The following RMND1 variants were observed in gnomAD, a reference collection of about 807,000 sequenced individuals.
The protein encoded by RMND1 is required for meiotic nuclear division protein 1 homolog.
A neutral mutation model predicts 54.0 loss-of-function variants in RMND1; 41 were observed. The observed-to-expected ratio is 0.76, with a 90% confidence interval of 0.59 to 0.98. The LOEUF (loss-of-function observed/expected upper bound fraction) is 0.98. Among genes scored for constraint, RMND1 ranks in the 50% least tolerant of loss-of-function variants. The pLI is 0.00. For missense variants in RMND1, 457 were observed against 532.0 expected (o/e 0.86, Z 1.39); for synonymous variants, 183 against 181.7 (o/e 1.01, Z -0.06).
chr6:151,413,452 C>G (rs747112578), intron 10 of RMND1, among the ~76,000 whole-genome samples: 2 of 152,134 alleles, frequency 1.3e-5, no homozygotes. Flanking sequence ...GTTGGCCAGG[C>G]TGGTCTTGAA....
chr6:151,427,475 T>G lies in RMND1; in HGVS notation c.830+7A>C, dbSNP rs1454837185. 1 of 1,540,570 alleles carries G rather than the reference T, an allele frequency of 6.5e-7. No homozygotes were observed. Among genetic ancestry groups the G allele is most frequent in the Admixed American group, 1.7e-5 (1 of 59,694 alleles). On this transcript the variant is annotated splice_region_variant and intron_variant, in intron 6 of 11. Transcript: ENST00000444024. ...CCCTTTCATAAATTTGATGAAAAGT[T>G]GCTTACTCTATTTTTATGTAGTTAA...
intron 9 of RMND1, among the ~76,000 whole-genome samples, chr6:151,419,690 A>G (rs62444262): frequency 1.4e-5 from 2 of 145,624 alleles, no homozygotes; most frequent in African/African-American, 5.1e-5. Flanking sequence ...AAAAAAAAAA[A>G]GTAACACATA....
At chr6:151,417,817 T>A (rs6930770) in intron 9 of RMND1, among the ~76,000 whole-genome samples, 15,329 of 120,218 alleles carry the variant, frequency 0.13, 2,312 homozygotes, top group African/African-American at 0.42. Flanking sequence ...TTCAATTTTT[T>A]TTTTTTTTTT....
At position 151,445,787 on chromosome 6, in the gene RMND1, C is replaced by G. The variant is rs767218207; in HGVS notation, c.25G>C (p.Val9Leu). 1 of 1,611,462 alleles carries G rather than the reference C, an allele frequency of 6.2e-7. No homozygotes were observed. The highest frequency in any genetic ancestry group is 8.5e-7 in the Non-Finnish European group (1 of 1,179,268). Reference protein sequence around the residue: MPATLLRAVARSHHILSKA... With the variant: MPATLLRALARSHHILSKA... ...GATAATATATGATGAGATCTGGCCACGGCTCTGAGGAGTGTGGCTGGCATT... is the reference window on the plus strand; with the variant it reads ...GATAATATATGATGAGATCTGGCCAGGGCTCTGAGGAGTGTGGCTGGCATT... The change falls in exon 2 of 12, where the codon GTG becomes CTG. Residue 9 changes from valine to leucine, a missense_variant. Transcript: ENST00000444024.
chr6:151,438,216 G>T (rs769748702), intron 2 of RMND1, among the ~76,000 whole-genome samples: 2 of 152,198 alleles, frequency 1.3e-5, no homozygotes, highest in African/African-American at 4.8e-5. Context: ...TAAAGATTCG[G>T]CCAGCTGAAA....
intron 10 of RMND1, chr6:151,409,036 A>C (rs1217156241): frequency 6.6e-6 from 1 of 152,220 alleles, no homozygotes; most frequent in Non-Finnish European, 1.5e-5. Context: ...TTTAACATTT[A>C]CTGTACTACG....
Position 151,445,914 on chromosome 6 carries a change from T to C in RMND1, c.-14-89A>G, listed in dbSNP as rs549621680. On this transcript the variant is annotated intron_variant, in intron 1 of 11. Coordinates refer to ENST00000444024, the MANE Select transcript of RMND1 (RefSeq NM_017909.4). ...CCCTAGGTAGCAGGCATATTTCTGT[T>C]AGAAAAATTTGTAAAACAGATACAT... is the stretch of plus-strand genomic sequence containing the variant. 13 of 1,234,686 alleles carry C rather than the reference T, an allele frequency of 1.1e-5. No homozygotes were observed. The African/African-American group carries it at 1.8e-4, about 17-fold the overall frequency. The allele number at this position is 1,234,686 out of a possible 1,614,324, so 76.5% of individuals were successfully genotyped here. A position where few individuals can be genotyped will look rare whatever the true frequency, so the allele number is the denominator to read the frequency against.
chr6:151,408,277 T>C (rs1779697439), intron 10 of RMND1, among the ~76,000 whole-genome samples: 1 of 152,070 alleles, frequency 6.6e-6, no homozygotes, highest in African/African-American at 2.4e-5. Flanking sequence ...GGCGGATCAC[T>C]TGAGGTCAGT....
chr6:151,447,810 CTTTT>C (rs869136474), intron 1 of RMND1, among the ~76,000 whole-genome samples: 212 of 110,334 alleles, frequency 1.9e-3, no homozygotes, highest in Non-Finnish European at 2.8e-3. Flanking sequence ...TGAGTAAATT[CTTTT>C]TTTTTTTTTT....
chr6:151,444,608 A>G (rs1780896642), intron 2 of RMND1: 1 of 143,862 alleles, frequency 7.0e-6, no homozygotes, highest in South Asian at 2.3e-4. Context: ...TCAAGTTTAA[A>G]ATATCTTTAA....
At chr6:151,415,973 G>A (rs938478591) in intron 10 of RMND1, among the ~76,000 whole-genome samples, 1 of 149,630 alleles carries the variant, frequency 6.7e-6, no homozygotes, top group Non-Finnish European at 1.5e-5. Context: ...AAACAGTTTT[G>A]TGTCTTTTTG....
chr6:151,425,862 T>C (rs1780281129), intron 6 of RMND1, among the ~76,000 whole-genome samples: 1 of 152,140 alleles, frequency 6.6e-6, no homozygotes, highest in Non-Finnish European at 1.5e-5. Context: ...TGAGCGCTGA[T>C]TACTCAGCTC....
chr6:151,422,303 T>A (rs932512003), intron 8 of RMND1, among the ~76,000 whole-genome samples: 1 of 152,162 alleles, frequency 6.6e-6, no homozygotes, highest in Non-Finnish European at 1.5e-5. Flanking sequence ...TTATATTAGG[T>A]ATTTTAGGTA....
At position 151,405,061 on chromosome 6, in the gene RMND1, GTTT is replaced by G; in HGVS notation, c.*171_*173del. ...TTTTGGTATTTTTAGTAGAGATGGG[GTTT>G]CACCATGTTGGCCAGGCTTGTCTTG... On this transcript the variant is annotated 3_prime_UTR_variant, in exon 12 of 12. Transcript: ENST00000444024. 5 of 557,218 alleles carry G rather than the reference GTTT, an allele frequency of 9.0e-6. No individual in the cohort carries two copies. In the South Asian group the frequency reaches 1.1e-4, roughly 12 times the overall value. The allele number at this position is 557,218 out of a possible 1,614,324, so 34.5% of individuals were successfully genotyped here. A position where few individuals can be genotyped will look rare whatever the true frequency, so the allele number is the denominator to read the frequency against.
intron 1 of RMND1, among the ~76,000 whole-genome samples, chr6:151,449,966 G>C (rs1332897107): frequency 6.6e-6 from 1 of 152,206 alleles, no homozygotes; most frequent in Non-Finnish European, 1.5e-5. Flanking sequence ...TGGTGCACAG[G>C]CTGGAGTGCA....
chr6:151,450,031 T>C (rs1781089135), intron 1 of RMND1, among the ~76,000 whole-genome samples: 2 of 152,126 alleles, frequency 1.3e-5, no homozygotes, highest in Admixed American at 6.5e-5. Flanking sequence ...TGCCTTGGCC[T>C]CCCAAAGTGC....
chr6:151,413,356 A>C (rs1044947528), intron 10 of RMND1, among the ~76,000 whole-genome samples: 1 of 152,122 alleles, frequency 6.6e-6, no homozygotes, highest in Non-Finnish European at 1.5e-5. Context: ...GGTTCAAGTG[A>C]TTCTCATGCC....
At chr6:151,427,940 G>A (rs1178833690) in intron 5 of RMND1, among the ~76,000 whole-genome samples, 1 of 151,972 alleles carries the variant, frequency 6.6e-6, no homozygotes, top group Non-Finnish European at 1.5e-5. Context: ...AAAAGTTCAA[G>A]ACCAGCCTGG....
chr6:151,416,420 CTTTTT>C (rs10557273), intron 10 of RMND1, among the ~76,000 whole-genome samples: 1 of 93,704 alleles, frequency 1.1e-5, no homozygotes. Context: ...ATCACTACAG[CTTTTT>C]TTTTTTTTTT....
Sources: allele counts gnomAD v4.1 joint callset (sites outside exome capture counted in the v4.1 genomes callset), GRCh38; gene constraint gnomAD v4.1.1; transcripts MANE v1.5; gene names NCBI Gene and HGNC (gene_info 2026-07-23, HGNC 2026-07-21).